UBAP2: variants seen among roughly 807,000 people sequenced by gnomAD.
UBAP2 encodes the protein ubiquitin-associated protein 2.
A neutral mutation model predicts 139.6 loss-of-function variants in UBAP2; 75 were observed. The ratio of observed to expected loss-of-function variants is 0.54; its 90% confidence interval spans 0.45 to 0.65. UBAP2 has a LOEUF of 0.65. Among genes scored for constraint, UBAP2 ranks in the 30% least tolerant of loss-of-function variants. The pLI is 0.00. For synonymous variants in UBAP2, 526 were observed against 526.2 expected, an observed-to-expected ratio of 1.00 and a Z score of 0.01; for missense variants, 1,368 against 1,369.6, an observed-to-expected ratio of 1.00 and a Z score of 0.02.
intron 2 of UBAP2, among the ~76,000 whole-genome samples, chr9:34,000,113 G>A (rs532085882): frequency 3.3e-5 from 5 of 151,746 alleles, no homozygotes; most frequent in Admixed American, 6.6e-5. Flanking sequence ...GCACCCAGCC[G>A]TATTTATTTA....
intron 6 of UBAP2, among the ~76,000 whole-genome samples, chr9:33,979,472 G>A (rs933699787): frequency 6.6e-6 from 1 of 152,206 alleles, no homozygotes; most frequent in African/African-American, 2.4e-5. Flanking sequence ...GTACTCAGGA[G>A]GCTGAGGCAG....
Position 33,963,789 on chromosome 9 carries a change from G to T in UBAP2, c.682C>A (p.Leu228Met). The change falls in exon 9 of 29, where the codon CTG becomes ATG. Residue 228 changes from leucine (L) to methionine (M), a missense_variant and splice_region_variant. Coordinates refer to ENST00000379238, the MANE Select transcript of UBAP2 (RefSeq NM_001370062.2). ...AQNGADEGTELASNTHNIAQD... is the reference protein window; with the variant it reads ...AQNGADEGTEMASNTHNIAQD... ...GCTATGTTGTGAGTATTTGATGCCA[G>T]TTCTGTGGACCAATGTAAAATTGAG... The T allele has an allele frequency of 1.2e-6, 2 of 1,610,690 alleles. No homozygotes were observed. The highest frequency in any genetic ancestry group is 8.5e-7 in the Non-Finnish European group (1 of 1,177,172).
intron 21 of UBAP2, 57 bp downstream of exon 21, chr9:33,926,932 T>C: frequency 6.4e-7 from 1 of 1,556,552 alleles, no homozygotes. Context: ...TCCTGCCAGG[T>C]GCCAGCCCCC....
intron 9 of UBAP2, among the ~76,000 whole-genome samples, chr9:33,962,828 A>AT (rs2131016320): frequency 6.6e-6 from 1 of 151,170 alleles, no homozygotes; most frequent in South Asian, 2.1e-4. Flanking sequence ...AATACAAAGA[A>AT]TTAGTCAGGA....
chr9:33,996,136 T>A, intron 4 of UBAP2, 87 bp downstream of exon 4: 1 of 991,392 alleles, frequency 1.0e-6, no homozygotes, highest in East Asian at 2.4e-5. Flanking sequence ...ATCCATTCCA[T>A]CCCTACCCCC....
chr9:34,011,169 A>G (rs1223816587), intron 2 of UBAP2, among the ~76,000 whole-genome samples: 2 of 152,102 alleles, frequency 1.3e-5, no homozygotes, highest in African/African-American at 4.8e-5. Context: ...TAATAATCGC[A>G]TTTTGCTGTA....
chr9:33,948,453 A>C lies in UBAP2; in HGVS notation c.1191T>G (p.Asn397Lys). Reference protein sequence around the residue: ...QFTTTPSTQQNSTSHPTTTTS... With the variant: ...QFTTTPSTQQKSTSHPTTTTS... Reference sequence around the variant, plus strand: ...TAGTAGTTGTAGGGTGACTTGTACTATTCTGCTGTGTACTTGGGGTGGTGG... The same window carrying C: ...TAGTAGTTGTAGGGTGACTTGTACTCTTCTGCTGTGTACTTGGGGTGGTGG... Residue 397 changes from asparagine (N) to lysine (K), a missense_variant, in exon 13 of 29, where the codon AAT becomes AAG. By Grantham distance (94) the Asn-to-Lys change is moderately conservative. Coordinates refer to ENST00000379238, the MANE Select transcript of UBAP2 (RefSeq NM_001370062.2). The C allele has an allele frequency of 1.2e-6, 2 of 1,614,162 alleles. No homozygotes were observed. The highest frequency in any genetic ancestry group is 8.5e-7 in the Non-Finnish European group (1 of 1,180,024).
chr9:34,014,947 G>T (rs1239649659), intron 2 of UBAP2, among the ~76,000 whole-genome samples: 2 of 152,136 alleles, frequency 1.3e-5, no homozygotes, highest in Non-Finnish European at 2.9e-5. Flanking sequence ...GAGTAGCAGA[G>T]ATATCTGTCT....
At chr9:34,040,943 A>AT (rs1827017441) in intron 1 of UBAP2, among the ~76,000 whole-genome samples, 1 of 152,190 alleles carries the variant, frequency 6.6e-6, no homozygotes, top group African/African-American at 2.4e-5. Flanking sequence ...TTACTTAGTA[A>AT]AAGTTACACA....
chr9:34,043,837 G>GT (rs1554694262), intron 1 of UBAP2, among the ~76,000 whole-genome samples: 1 of 148,494 alleles, frequency 6.7e-6, no homozygotes, highest in Non-Finnish European at 1.5e-5. Context: ...GTTTCAGGGG[G>GT]AAAAAAAAGG....
intron 4 of UBAP2, among the ~76,000 whole-genome samples, chr9:33,991,593 T>C (rs1325001379): frequency 6.6e-6 from 1 of 152,228 alleles, no homozygotes; most frequent in African/African-American, 2.4e-5. Flanking sequence ...TATAAGTCAT[T>C]ATTTAAGTGA....
Position 33,981,429 on chromosome 9 carries a change from C to T in UBAP2, c.520+5331G>A, listed in dbSNP as rs182247866. Among the ~76,000 whole-genome samples, 32 of 150,848 alleles carry T rather than the reference C, an allele frequency of 2.1e-4. No homozygotes were observed. The East Asian group carries it at 5.7e-3, about 27-fold the overall frequency. On this transcript the variant is annotated intron_variant, in intron 6 of 28. Transcript: ENST00000379238. ...GGAGTGTAGTGGCACAATCACAGCTCACAGCAGCCTCAACTTCCCAGACTC... is the reference window on the plus strand; with the variant it reads ...GGAGTGTAGTGGCACAATCACAGCTTACAGCAGCCTCAACTTCCCAGACTC...
At chr9:34,005,434 C>CAAAA (rs36086568) in intron 2 of UBAP2, among the ~76,000 whole-genome samples, 1 of 86,278 alleles carries the variant, frequency 1.2e-5, no homozygotes, top group African/African-American at 4.4e-5. Context: ...GACCCTGTCT[C>CAAAA]AAAAAAAAAA....
chr9:33,956,866 C>CCAA (rs1160568403), intron 10 of UBAP2, among the ~76,000 whole-genome samples: 2 of 151,924 alleles, frequency 1.3e-5, no homozygotes, highest in Non-Finnish European at 1.5e-5. Flanking sequence ...ACCTGAAAGC[C>CCAA]CAACACTCTG....
chr9:34,001,818 A>T (rs1822727152), intron 2 of UBAP2, among the ~76,000 whole-genome samples: 1 of 152,136 alleles, frequency 6.6e-6, no homozygotes, highest in Non-Finnish European at 1.5e-5. Context: ...GTTCCAATCC[A>T]AGCACCACTG....
intron 19 of UBAP2, among the ~76,000 whole-genome samples, chr9:33,929,681 T>C (rs1002242521): frequency 3.9e-5 from 6 of 151,916 alleles, no homozygotes; most frequent in Admixed American, 6.6e-5. Context: ...ACCAAAGACC[T>C]GACAAAAAAA....
At chr9:34,016,370 C>CAGTGGTGGTGGTGGTGGT (rs1824331668) in intron 2 of UBAP2, among the ~76,000 whole-genome samples, 1 of 93,690 alleles carries the variant, frequency 1.1e-5, no homozygotes, top group African/African-American at 4.9e-5. Flanking sequence ...GCGGCAGCGG[C>CAGTGGTGGTGGTGGTGGT]GGTGGTGGTG....
chr9:34,006,606 G>A (rs1213266293), intron 2 of UBAP2, among the ~76,000 whole-genome samples: 1 of 152,020 alleles, frequency 6.6e-6, no homozygotes, highest in African/African-American at 2.4e-5. Context: ...AGTCCAGGAG[G>A]TCAAGGGAGA....
At chr9:33,983,919 T>A (rs1302624954) in intron 6 of UBAP2, among the ~76,000 whole-genome samples, 1 of 152,142 alleles carries the variant, frequency 6.6e-6, no homozygotes, top group African/African-American at 2.4e-5. Context: ...ATCCCTGGGA[T>A]TTTTTTATTT....
Sources: gnomAD v4.1 joint callset for allele counts (sites outside exome capture counted in the v4.1 genomes callset) on GRCh38, gnomAD v4.1.1 for gene constraint, MANE v1.5 for transcripts, NCBI Gene and HGNC (gene_info 2026-07-23, HGNC 2026-07-21) for gene names.